LILRB3: variants seen among roughly 807,000 people sequenced by gnomAD.
The protein encoded by LILRB3 is leukocyte immunoglobulin like receptor B3, also known as leukocyte immunoglobulin-like receptor subfamily B member 3.
LILRB3 carries 32 observed loss-of-function variants against 68.2 expected under a neutral mutation model. The observed-to-expected ratio is 0.47, with a 90% confidence interval of 0.35 to 0.63. The LOEUF is 0.63. Ranked by LOEUF, LILRB3 falls within the 30% of genes least tolerant of loss-of-function variation. LILRB3 has a pLI of 0.00. For missense variants in LILRB3, 502 were observed against 791.3 expected (o/e 0.63, Z 4.39); for synonymous variants, 185 against 323.1 (o/e 0.57, Z 4.58).
exon 9 of LILRB3, chr19:54,218,824 C>G: frequency 1.2e-6 from 2 of 1,614,150 alleles, no homozygotes; most frequent in Non-Finnish European, 8.5e-7. Flanking sequence ...CGCTGGAAAT[C>G]AGTCTTTCTC....
At position 54,218,421 on chromosome 19, in the gene LILRB3, G is replaced by A; in HGVS notation, c.1541-8C>T. The A allele has an allele frequency of 6.2e-7, 1 of 1,614,032 alleles. No homozygotes were observed. Among genetic ancestry groups the A allele is most frequent in the Non-Finnish European group, 8.5e-7 (1 of 1,179,932 alleles). ...TGTCCTTCACAGCAGCATCTGCTGGGGCAGAGCAAGGGGTTCGTCTCCTGG... is the reference window on the plus strand; with the variant it reads ...TGTCCTTCACAGCAGCATCTGCTGGAGCAGAGCAAGGGGTTCGTCTCCTGG... On this transcript the variant is annotated splice_region_variant and splice_polypyrimidine_tract_variant and intron_variant, in intron 10 of 12. Transcript: ENST00000445347.
exon 13 of LILRB3, chr19:54,216,833 C>T (rs2077510145): frequency 2.2e-6 from 3 of 1,374,884 alleles, no homozygotes; most frequent in South Asian, 3.2e-5. Context: ...CCACACCCGG[C>T]CTTTACGTCT....
intron 11 of LILRB3, chr19:54,217,765 C>T (rs1177945696): frequency 2.0e-5 from 12 of 602,382 alleles, no homozygotes; most frequent in African/African-American, 9.4e-5. Flanking sequence ...GCTCGTCCAT[C>T]AGAGGATCAT....
chr19:54,219,419 A>C (rs1414431439), intron 7 of LILRB3, 174 bp from the exon 8 acceptor site: 1 of 1,487,496 alleles, frequency 6.7e-7, no homozygotes, highest in African/African-American at 1.4e-5. Flanking sequence ...GGCTCAGAGC[A>C]GGGAGTCGCC....
At chr19:54,219,234 A>G in exon 8 of LILRB3, 1 of 1,578,916 alleles carries the variant, frequency 6.3e-7, no homozygotes, top group Non-Finnish European at 8.6e-7. Context: ...ACCTCCAGGT[A>G]TCTTCCCAGA....
chr19:54,219,827 C>G lies in LILRB3; in HGVS notation c.1309+328G>C, dbSNP rs571033982. ...CTAGGACAGAACCCACCCCTGCCTC[C>G]CCTGGACCCCGCCCATCTCCCACTC... On this transcript the variant is annotated intron_variant, in intron 7 of 12. Coordinates refer to ENST00000445347, the Ensembl canonical transcript of LILRB3. 6.0e-5 allele frequency: 92 copies of G among 1,538,210 alleles called. No individual in the cohort carries two copies. In the South Asian group the frequency reaches 1.0e-3, roughly 18 times the overall value.
intron 7 of LILRB3, chr19:54,219,486 A>G (rs255774): frequency 0.43 from 672,206 of 1,549,074 alleles, 150,642 homozygotes; most frequent in East Asian, 0.51. Flanking sequence ...CGGGAGTCTG[A>G]CCTGCAGCCC....
rs2077760453 is a variant in LILRB3 at position 54,218,829 on chromosome 19, T to G, written c.1436A>C (p.Lys479Thr). The change falls in exon 9 of 13, where the codon AAG (lysine) becomes ACG (threonine). Residue 479 changes from lysine to threonine, a missense_variant. Around this residue, in one of 8 missense-constraint regions of LILRB3, gnomAD observed 267 missense variants for 245.5 expected, o/e 1.09. Transcript: ENST00000445347. ...CCCTGCAGGACGCTGGAAATCAGTC[T>G]TTCTCTGGTCTGGGTGAAGATGGAC... The G allele has an allele frequency of 6.2e-7, 1 of 1,613,984 alleles. No individual in the cohort carries two copies. Among genetic ancestry groups the G allele is most frequent in the South Asian group, 1.1e-5 (1 of 91,086 alleles).
rs1325681265 is a variant in LILRB3 at position 54,219,463 on chromosome 19, TG to T, written c.1310-219del. Reference sequence around the variant, plus strand: ...GCCTCCAGCGAGGAAGCGGCAGAGCTGGGAAGGGAGCCCGGGAGTCTGACCT... The same window carrying T: ...GCCTCCAGCGAGGAAGCGGCAGAGCTGGAAGGGAGCCCGGGAGTCTGACCT... On this transcript the variant is annotated intron_variant, in intron 7 of 12. Coordinates refer to ENST00000445347, the Ensembl canonical transcript of LILRB3. 3.2e-6 allele frequency: 5 copies of T among 1,544,432 alleles called. No homozygotes were observed. The African/African-American group carries it at 5.5e-5, about 17-fold the overall frequency.
At chr19:54,216,612 T>G in exon 13 of LILRB3, 1 of 1,013,430 alleles carries the variant, frequency 9.9e-7, no homozygotes, top group Non-Finnish European at 1.2e-6. Flanking sequence ...GCCCGGCCTA[T>G]TTATGCTTCT....
At chr19:54,216,385 C>T (rs2077485192) in exon 13 of LILRB3, 1 of 151,760 alleles carries the variant, frequency 6.6e-6, no homozygotes, top group Non-Finnish European at 1.5e-5. Context: ...TCTCAGCTCA[C>T]TGCAAGCTCT....
At chr19:54,219,751 C>A (rs2077897217) in intron 7 of LILRB3, 1 of 1,478,746 alleles carries the variant, frequency 6.8e-7, no homozygotes, top group Non-Finnish European at 9.0e-7. Context: ...AAACTGAGGC[C>A]CAGGCAGGGG....
chr19:54,219,635 G>C, intron 7 of LILRB3: 1 of 1,498,256 alleles, frequency 6.7e-7, no homozygotes, highest in Non-Finnish European at 8.9e-7. Flanking sequence ...GTGGAATCGG[G>C]TCTGGGAGGT....
At chr19:54,218,802 G>C (rs760420606) in exon 9 of LILRB3, 3 of 1,614,124 alleles carry the variant, frequency 1.9e-6, no homozygotes, top group Non-Finnish European at 2.5e-6. Context: ...TGTCTCCGCA[G>C]CCCCTGCAGG....
chr19:54,216,557 G>A (rs780342509), exon 13 of LILRB3: 76 of 866,138 alleles, frequency 8.8e-5, no homozygotes, highest in Non-Finnish European at 9.8e-5. Context: ...TGATCCGCCC[G>A]CATCAGCCTC....
At chr19:54,219,203 G>T in exon 8 of LILRB3, 1 of 1,596,282 alleles carries the variant, frequency 6.3e-7, no homozygotes, top group Non-Finnish European at 8.5e-7. Context: ...CAGGACGAAG[G>T]CCACCGAGAC....
chr19:54,218,046 G>GATGA (rs1301623687), intron 11 of LILRB3, among the ~76,000 whole-genome samples: 2 of 144,150 alleles, frequency 1.4e-5, no homozygotes, highest in Non-Finnish European at 3.0e-5. Context: ...ACACTCGCTG[G>GATGA]ATGAATGAAT....
chr19:54,220,105 C>T, intron 7 of LILRB3, 50 bp downstream of exon 7: 1 of 1,506,582 alleles, frequency 6.6e-7, no homozygotes, highest in Non-Finnish European at 8.9e-7. Context: ...TTGGGAGACT[C>T]AGACTGCCCT....
Position 54,222,035 on chromosome 19 carries a change from G to C in LILRB3, c.451C>G (p.His151Asp), listed in dbSNP as rs55662384. ...CCTTCCTTCATCAGAACAAAATGGT[G>C]ATATCCCTTCTGTGAGCCACATCGG... The change falls in exon 4 of 13, where the codon CAC (histidine) becomes GAC (aspartate). Residue 151 changes from histidine to aspartate, a missense_variant. Around this residue, in one of 8 missense-constraint regions of LILRB3, gnomAD observed 1 missense variants for 31.6 expected, o/e 0.03. Coordinates refer to ENST00000445347, the Ensembl canonical transcript of LILRB3. 15,148 of 1,592,062 alleles carry C rather than the reference G, an allele frequency of 9.5e-3. 321 individuals are homozygous for C. The African/African-American group carries it at 0.18, about 19-fold the overall frequency.
Sources: gnomAD v4.1 joint callset for allele counts (sites outside exome capture counted in the v4.1 genomes callset) on GRCh38, gnomAD v4.1.1 for gene constraint, gnomAD v4.1.1 regional missense constraint, MANE v1.5 for transcripts, NCBI Gene and HGNC (gene_info 2026-07-23, HGNC 2026-07-21) for gene names.